Variants in RANBP9 observed in about 807,000 individuals in gnomAD.
RANBP9 encodes the protein ran-binding protein 9.
A neutral mutation model predicts 84.3 loss-of-function variants in RANBP9; 15 were observed. The observed-to-expected ratio is 0.18, with a 90% CI of 0.12 to 0.27. RANBP9 has a LOEUF of 0.27. Among genes scored for constraint, RANBP9 ranks in the 10% least tolerant of loss-of-function variants. The pLI, the probability that RANBP9 is intolerant of heterozygous loss-of-function variation, is 1.00. For missense variants in RANBP9, 809 were observed against 912.8 expected, an observed-to-expected ratio of 0.89 and a Z score of 1.46; for synonymous variants, 392 against 349.6, an observed-to-expected ratio of 1.12 and a Z score of -1.35.
intron 2 of RANBP9, among the ~76,000 whole-genome samples, chr6:13,660,490 GT>G (rs1439286735): frequency 2.0e-5 from 3 of 152,134 alleles, no homozygotes; most frequent in Admixed American, 6.6e-5. Context: ...TCCACCCTGA[GT>G]GATAGACCAG....
chr6:13,654,269 C>A (rs1453090919), intron 4 of RANBP9, among the ~76,000 whole-genome samples: 1 of 152,260 alleles, frequency 6.6e-6, no homozygotes, highest in South Asian at 2.1e-4. Flanking sequence ...GAATTTTACA[C>A]AGAAAGCAAT....
rs1014677118 is a variant in RANBP9 at position 13,621,532 on chromosome 6, A to G, written c.*830T>C. On this transcript the variant is annotated 3_prime_UTR_variant, in exon 14 of 14. Transcript: ENST00000011619. ...GTAAATTTTTAATGGCTGGTTAATT[A>G]TATCACTACATTTTATTGCAATATA... 6.5e-6 allele frequency: 1 copy of G among 152,678 alleles called. No homozygotes were observed. Among genetic ancestry groups the G allele is most frequent in the Non-Finnish European group, 1.5e-5 (1 of 68,048 alleles). 9.5% of individuals were successfully genotyped at this position (152,678 alleles called of 1,614,324 possible).
intron 12 of RANBP9, among the ~76,000 whole-genome samples, chr6:13,631,411 C>A (rs1365083019): frequency 6.6e-6 from 1 of 152,204 alleles, no homozygotes; most frequent in African/African-American, 2.4e-5. Flanking sequence ...TAAAACATTA[C>A]TAATTGAGCA....
intron 5 of RANBP9, 44 bp downstream of exon 5, chr6:13,652,615 T>C (rs765287004): frequency 1.9e-5 from 29 of 1,512,034 alleles, no homozygotes; most frequent in Non-Finnish European, 2.3e-5. Context: ...TCTTTATACT[T>C]CCTGTAATTA....
At chr6:13,639,205 G>A (rs1765007334) in intron 9 of RANBP9, among the ~76,000 whole-genome samples, 1 of 152,172 alleles carries the variant, frequency 6.6e-6, no homozygotes, top group South Asian at 2.1e-4. Context: ...GACAAATGGA[G>A]TGTCCCTCTG....
intron 1 of RANBP9, among the ~76,000 whole-genome samples, chr6:13,710,431 T>C (rs1474302733): frequency 1.3e-5 from 2 of 151,972 alleles, no homozygotes. Context: ...CCCTAGACAA[T>C]CTCTGGCCTA....
intron 8 of RANBP9, among the ~76,000 whole-genome samples, chr6:13,640,142 C>G (rs1765031137): frequency 6.6e-6 from 1 of 152,112 alleles, no homozygotes; most frequent in Non-Finnish European, 1.5e-5. Context: ...AAAGCGTAGC[C>G]TTTCTCCCCA....
chr6:13,642,402 A>C, intron 7 of RANBP9, 77 bp downstream of exon 7: 2 of 776,560 alleles, frequency 2.6e-6, no homozygotes, highest in Non-Finnish European at 3.7e-6. Flanking sequence ...AATTAAAAAA[A>C]CAAAATTTCT....
intron 1 of RANBP9, among the ~76,000 whole-genome samples, chr6:13,710,515 CT>C (rs1758248199): frequency 1.3e-5 from 2 of 152,146 alleles, no homozygotes; most frequent in African/African-American, 4.8e-5. Flanking sequence ...TCGTGCCTCT[CT>C]TCCCCCCTTG....
chr6:13,657,639 A>G (rs762494048), intron 3 of RANBP9, among the ~76,000 whole-genome samples: 1 of 152,216 alleles, frequency 6.6e-6, no homozygotes, highest in Non-Finnish European at 1.5e-5. Flanking sequence ...CACGTTTTAT[A>G]TAACATAAGA....
rs767070995 is a variant in RANBP9 at position 13,705,868 on chromosome 6, C to CAAAAAAA, written c.571+5060_571+5066dup. 3.1e-4 allele frequency among the ~76,000 whole-genome samples: 24 copies of CAAAAAAA among 76,716 alleles called. 1 individual carries two copies. Among genetic ancestry groups the CAAAAAAA allele is most frequent in the Admixed American group, 7.5e-4 (5 of 6,654 alleles). 50.3% of individuals were successfully genotyped at this position (76,716 alleles called of 152,430 possible). Reference sequence around the variant, plus strand: ...TGGGCGACAGAGCAAGACTCCGTCTCAAAAAAAAAAAAAAAAAAGAAACAT... The same window carrying CAAAAAAA: ...TGGGCGACAGAGCAAGACTCCGTCTCAAAAAAAAAAAAAAAAAAAAAAAAAGAAACAT... On this transcript the variant is annotated intron_variant, in intron 1 of 13. Coordinates refer to ENST00000011619, the MANE Select transcript of RANBP9 (RefSeq NM_005493.3).
chr6:13,686,620 T>C (rs1006722523), intron 2 of RANBP9, among the ~76,000 whole-genome samples: 4 of 151,918 alleles, frequency 2.6e-5, no homozygotes, highest in Non-Finnish European at 5.9e-5. Flanking sequence ...CCCAAGCTGG[T>C]CTCGAACTAC....
chr6:13,711,201 G>A lies in RANBP9; in HGVS notation c.305C>T (p.Pro102Leu). Reference sequence around the variant, plus strand: ...CGCTGCAAGGCCCGGGGGAGCGGGCGGCCCGCTGGCGGGGGCAGCCGCTGA... The same window carrying A: ...CGCTGCAAGGCCCGGGGGAGCGGGCAGCCCGCTGGCGGGGGCAGCCGCTGA... ...PASAAAPASGPPAPPGLAAGP... is the reference protein window; with the variant it reads ...PASAAAPASGLPAPPGLAAGP... Residue 102 changes from proline (P) to leucine (L), a missense_variant, in exon 1 of 14, where the codon CCG becomes CTG. Transcript: ENST00000011619. 5 of 1,220,514 alleles carry A rather than the reference G, an allele frequency of 4.1e-6. No homozygotes were observed. Among genetic ancestry groups the A allele is most frequent in the Non-Finnish European group, 5.1e-6 (5 of 979,772 alleles). The allele number at this position is 1,220,514 out of a possible 1,614,324, so 75.6% of individuals were successfully genotyped here. A position where few individuals can be genotyped will look rare whatever the true frequency, so the allele number is the denominator to read the frequency against.
intron 2 of RANBP9, among the ~76,000 whole-genome samples, chr6:13,686,324 T>C (rs559504221): frequency 1.1e-4 from 17 of 152,094 alleles, no homozygotes; most frequent in Middle Eastern, 3.4e-3. Flanking sequence ...CTGGCTCTGT[T>C]GCCCAAGCTG....
At chr6:13,640,137 G>C (rs1049097588) in intron 8 of RANBP9, among the ~76,000 whole-genome samples, 1 of 152,156 alleles carries the variant, frequency 6.6e-6, no homozygotes, top group African/African-American at 2.4e-5. Context: ...CATATAAAGC[G>C]TAGCCTTTCT....
rs1298771604 is a variant in RANBP9 at position 13,622,276 on chromosome 6, AAAT to A, written c.*83_*85del. ...ACCTGTCCCCAGTACATAATTTAAA[AAAT>A]CTAAATTTCAAATCAGCAGAGCTGG... On this transcript the variant is annotated 3_prime_UTR_variant, in exon 14 of 14. Transcript: ENST00000011619. 4.6e-6 allele frequency: 6 copies of A among 1,309,828 alleles called. No homozygotes were observed. The East Asian group carries it at 1.6e-4, about 35-fold the overall frequency. The allele number at this position is 1,309,828 out of a possible 1,614,324, so 81.1% of individuals were successfully genotyped here. A position where few individuals can be genotyped will look rare whatever the true frequency, so the allele number is the denominator to read the frequency against.
intron 12 of RANBP9, 74 bp from the exon 13 acceptor site, chr6:13,625,838 G>A: frequency 9.0e-7 from 1 of 1,113,724 alleles, no homozygotes; most frequent in South Asian, 1.3e-5. Flanking sequence ...TCCAAGTTGA[G>A]AGGTAAAATA....
intron 2 of RANBP9, among the ~76,000 whole-genome samples, chr6:13,680,183 C>G (rs1765998316): frequency 6.6e-6 from 1 of 151,802 alleles, no homozygotes; most frequent in Non-Finnish European, 1.5e-5. Flanking sequence ...AAAGAAGACC[C>G]AACATACATT....
chr6:13,667,084 A>G (rs1187135302), intron 2 of RANBP9, among the ~76,000 whole-genome samples: 2 of 152,222 alleles, frequency 1.3e-5, no homozygotes, highest in African/African-American at 2.4e-5. Context: ...TTGTGGTACT[A>G]TGTGTTTACC....
Sources: allele counts gnomAD v4.1 joint callset (sites outside exome capture counted in the v4.1 genomes callset), GRCh38; gene constraint gnomAD v4.1.1; transcripts MANE v1.5; gene names NCBI Gene and HGNC (gene_info 2026-07-23, HGNC 2026-07-21).